The following ZFHX3 variants were observed in gnomAD, a reference collection of about 807,000 sequenced individuals.
ZFHX3 encodes the protein zinc finger homeobox protein 3.
Under a neutral mutation model 279.1 loss-of-function variants are expected in ZFHX3, and 42 were observed. The observed-to-expected ratio is 0.15, with a 90% confidence interval of 0.12 to 0.19. The LOEUF (loss-of-function observed/expected upper bound fraction) is 0.19. Among genes scored for constraint, ZFHX3 ranks in the 10% least tolerant of loss-of-function variants. The pLI, the probability that ZFHX3 is intolerant of heterozygous loss-of-function variation, is 1.00. For missense variants in ZFHX3, 4,981 were observed against 4,754.0 expected (o/e 1.05, Z -1.40); for synonymous variants, 2,293 against 1,957.8 (o/e 1.17, Z -4.52).
chr16:73,449,065 G>C (rs1348512436), intron 3 of ZFHX3, among the ~76,000 whole-genome samples: 1 of 152,122 alleles, frequency 6.6e-6, no homozygotes, highest in African/African-American at 2.4e-5. Context: ...CTCAAACTCG[G>C]AGTATGACAC....
intron 4 of ZFHX3, among the ~76,000 whole-genome samples, chr16:72,861,457 A>G (rs891031267): frequency 2.2e-4 from 33 of 152,212 alleles, no homozygotes; most frequent in African/African-American, 7.7e-4. Context: ...CTGGAAAAAG[A>G]GACTGTTTCC....
At chr16:72,877,114 G>A (rs995716619) in intron 4 of ZFHX3, among the ~76,000 whole-genome samples, 7 of 152,136 alleles carry the variant, frequency 4.6e-5, no homozygotes, top group Admixed American at 1.3e-4. Flanking sequence ...AAAACAGCCC[G>A]GTATGGCACA....
intron 3 of ZFHX3, among the ~76,000 whole-genome samples, chr16:72,895,204 T>A (rs1440160914): frequency 3.9e-5 from 6 of 152,158 alleles, no homozygotes; most frequent in African/African-American, 7.2e-5. Flanking sequence ...ATGCAGGCAG[T>A]GTCAGCAGCA....
intron 4 of ZFHX3, among the ~76,000 whole-genome samples, chr16:73,259,549 T>C (rs2013758948): frequency 6.6e-6 from 1 of 152,224 alleles, no homozygotes; most frequent in Admixed American, 6.5e-5. Flanking sequence ...GAATGCATTT[T>C]GTAAATATGA....
intron 1 of ZFHX3, chr16:73,808,560 G>A (rs780133995): frequency 2.6e-5 from 4 of 152,210 alleles, no homozygotes; most frequent in South Asian, 2.1e-4. Flanking sequence ...ACAATGGCAC[G>A]CTAGTCAGCT....
At chr16:73,259,379 CTGAT>C (rs1376584914) in intron 4 of ZFHX3, among the ~76,000 whole-genome samples, 1 of 152,212 alleles carries the variant, frequency 6.6e-6, no homozygotes, top group East Asian at 1.9e-4. Flanking sequence ...GTTTGCCAGT[CTGAT>C]TGGGGTGAAA....
intron 2 of ZFHX3, among the ~76,000 whole-genome samples, chr16:73,653,109 A>T (rs951730392): frequency 3.9e-5 from 6 of 152,214 alleles, no homozygotes; most frequent in Admixed American, 3.3e-4. Context: ...TTTAAAACAA[A>T]AAGTATTGAC....
At chr16:73,125,779 CAT>C (rs71714497) in intron 7 of ZFHX3, among the ~76,000 whole-genome samples, 14,189 of 151,026 alleles carry the variant, frequency 0.094, 661 homozygotes, top group Middle Eastern at 0.13. Context: ...AATAAACTCC[CAT>C]ATATATATAT....
intron 5 of ZFHX3, among the ~76,000 whole-genome samples, chr16:73,161,345 T>C (rs558481114): frequency 6.6e-6 from 1 of 152,188 alleles, no homozygotes; most frequent in Admixed American, 6.5e-5. Context: ...CCTCGGATCA[T>C]GGAGCTGCTT....
At chr16:72,880,627 T>C (rs1404966223) in intron 4 of ZFHX3, among the ~76,000 whole-genome samples, 1 of 152,168 alleles carries the variant, frequency 6.6e-6, no homozygotes, top group African/African-American at 2.4e-5. Flanking sequence ...TTTGACTTTA[T>C]AATATGACAA....
intron 1 of ZFHX3, chr16:73,808,483 A>G (rs1960344216): frequency 6.6e-6 from 1 of 152,186 alleles, no homozygotes; most frequent in African/African-American, 2.4e-5. Context: ...TATACAGAAG[A>G]TGGTTGGATA....
intron 1 of ZFHX3, among the ~76,000 whole-genome samples, chr16:72,960,624 C>G (rs941364517): frequency 6.6e-6 from 1 of 152,186 alleles, no homozygotes; most frequent in Non-Finnish European, 1.5e-5. Flanking sequence ...GCCCCGACTC[C>G]GCGCACTGTC....
intron 1 of ZFHX3, among the ~76,000 whole-genome samples, chr16:73,025,099 C>T (rs1222853806): frequency 2.0e-5 from 3 of 152,132 alleles, no homozygotes; most frequent in South Asian, 2.1e-4. Flanking sequence ...AGACTTACAC[C>T]GCAGGGGGAA....
rs902727811 is a variant in ZFHX3, at chr16:73,762,994, A to T, written c.-1607-82754T>A. On this transcript the variant is annotated intron_variant, in intron 1 of 17. Transcript: ENST00000641206. ...CCCTAGAACTTAAAATATTAATAAA[A>T]TTTTTTTTAAAAAGGAAGTGGGATT... Among the ~76,000 whole-genome samples the T allele has an allele frequency of 1.6e-4, 24 of 152,044 alleles. No individual in the cohort carries two copies. The South Asian group carries it at 2.5e-3, about 16-fold the overall frequency.
intron 1 of ZFHX3, among the ~76,000 whole-genome samples, chr16:73,838,997 G>A (rs897126061): frequency 2.0e-5 from 3 of 152,076 alleles, no homozygotes; most frequent in Non-Finnish European, 4.4e-5. Context: ...AGCTAAGGAG[G>A]AAAGCAGAAT....
chr16:73,691,327 G>C (rs933713770), intron 1 of ZFHX3, among the ~76,000 whole-genome samples: 2 of 151,962 alleles, frequency 1.3e-5, no homozygotes, highest in East Asian at 1.9e-4. Context: ...TTGGCAAAAA[G>C]AAAAAAACAA....
intron 1 of ZFHX3, among the ~76,000 whole-genome samples, chr16:73,031,585 T>G (rs1332832012): frequency 1.3e-5 from 2 of 152,224 alleles, no homozygotes; most frequent in African/African-American, 4.8e-5. Context: ...AAACAGTACT[T>G]AAGTGTTTCC....
In ZFHX3 at chr16:72,795,071, C is replaced by A. The variant is rs892609691; in HGVS notation, c.7611G>T (p.Leu2537Phe). The A allele has an allele frequency of 6.2e-7, 1 of 1,614,084 alleles. No individual in the cohort carries two copies. The highest frequency in any genetic ancestry group is 1.1e-5 in the South Asian group (1 of 91,074). ...GCCAGTGCTCAAATGACGGAAATGC[C>A]AACTTACACTGGTCACACTGGTAGG... Reference protein sequence around the residue: ...LIPYQCDQCKLAFPSFEHWQE... With the variant: ...LIPYQCDQCKFAFPSFEHWQE... The change falls in exon 9 of 10, where the codon TTG becomes TTT. Residue 2537 changes from leucine (L) to phenylalanine (F), a missense_variant. Around this residue, in one of 7 missense-constraint regions of ZFHX3, gnomAD observed 744 missense variants for 701.3 expected, o/e 1.06. Transcript: ENST00000268489.
chr16:72,855,517 G>T (rs1406698256), intron 4 of ZFHX3, among the ~76,000 whole-genome samples: 1 of 152,186 alleles, frequency 6.6e-6, no homozygotes, highest in Non-Finnish European at 1.5e-5. Context: ...AATTCATTCT[G>T]CAGAGACAGA....
Sources: allele counts gnomAD v4.1 joint callset (sites outside exome capture counted in the v4.1 genomes callset), GRCh38; gene constraint gnomAD v4.1.1; regional missense constraint gnomAD v4.1.1; transcripts MANE v1.5; gene names NCBI Gene and HGNC (gene_info 2026-07-23, HGNC 2026-07-21).